The following C6 variants were observed in gnomAD, a reference collection of about 807,000 sequenced individuals.
The protein encoded by C6 is complement C6.
Under a neutral mutation model 112.9 loss-of-function variants are expected in C6, and 101 were observed. The ratio of observed to expected loss-of-function variants is 0.89; its 90% CI spans 0.76 to 1.06. The LOEUF (loss-of-function observed/expected upper bound fraction) is 1.06. Ranked by LOEUF, C6 falls within the 50% of genes least tolerant of loss-of-function variation. The pLI is 0.00. For missense variants in C6, 1,202 were observed against 1,104.6 expected, an observed-to-expected ratio of 1.09 and a Z score of -1.25; for synonymous variants, 431 against 384.1, an observed-to-expected ratio of 1.12 and a Z score of -1.43.
rs371365380 is a variant in C6, at chr5:41,240,770, G to A, written c.-21+20424C>T. 2.6e-5 allele frequency among the ~76,000 whole-genome samples: 4 copies of A among 152,258 alleles called. No homozygotes were observed. The South Asian group carries it at 8.3e-4, about 32-fold the overall frequency. ...GTGCACACATGTGCCCAGAGTGACC[G>A]ATGGGGTGGGGTGATACCCCAGGTC... On this transcript the variant is annotated intron_variant, in intron 1 of 17. Transcript: ENST00000263413.
intron 1 of C6, among the ~76,000 whole-genome samples, chr5:41,219,556 C>G (rs1296459494): frequency 6.6e-6 from 1 of 152,098 alleles, no homozygotes; most frequent in Non-Finnish European, 1.5e-5. Context: ...TTGTGGGAAA[C>G]TACTGAAAAA....
intron 1 of C6, among the ~76,000 whole-genome samples, chr5:41,251,289 A>G (rs1327165762): frequency 6.6e-6 from 1 of 152,216 alleles, no homozygotes; most frequent in African/African-American, 2.4e-5. Flanking sequence ...AACAACAAGC[A>G]GGCTGAAAAA....
chr5:41,209,398 G>T (rs577636621), intron 1 of C6, among the ~76,000 whole-genome samples: 1 of 152,234 alleles, frequency 6.6e-6, no homozygotes, highest in East Asian at 1.9e-4. Context: ...AAGAAATAAA[G>T]GGTATTCAAT....
chr5:41,220,693 C>A, intron 1 of C6, among the ~76,000 whole-genome samples: 1 of 152,090 alleles, frequency 6.6e-6, no homozygotes, highest in Admixed American at 6.6e-5. Context: ...TATATACATT[C>A]TTTGGATCGC....
intron 1 of C6, among the ~76,000 whole-genome samples, chr5:41,244,886 C>T (rs1037009520): frequency 1.3e-5 from 2 of 152,092 alleles, no homozygotes; most frequent in Non-Finnish European, 2.9e-5. Flanking sequence ...TTTCTGCATG[C>T]TTTCTCTGCA....
chr5:41,215,276 C>T (rs1332569877), upstream of C6, among the ~76,000 whole-genome samples: 1 of 152,092 alleles, frequency 6.6e-6, no homozygotes, highest in Non-Finnish European at 1.5e-5. Context: ...ACCGTCTGGC[C>T]CTTATAGGAA....
intron 4 of C6, 150 bp from the exon 5 acceptor site, chr5:41,196,083 T>G: frequency 1.1e-6 from 1 of 878,320 alleles, no homozygotes; most frequent in Non-Finnish European, 1.8e-6. Context: ...CACATAAAAA[T>G]GGAGCGATAA....
At chr5:41,243,238 T>C (rs1740836143) in intron 1 of C6, among the ~76,000 whole-genome samples, 1 of 152,232 alleles carries the variant, frequency 6.6e-6, no homozygotes, top group Non-Finnish European at 1.5e-5. Flanking sequence ...TTCCACATTG[T>C]ATTCATAAAT....
intron 9 of C6, among the ~76,000 whole-genome samples, chr5:41,165,630 T>C (rs547379883): frequency 6.6e-6 from 1 of 152,280 alleles, no homozygotes; most frequent in South Asian, 2.1e-4. Context: ...ATTATATGTC[T>C]TTACTACATG....
intron 5 of C6, among the ~76,000 whole-genome samples, chr5:41,186,819 A>G (rs1749807856): frequency 6.6e-6 from 1 of 152,136 alleles, no homozygotes; most frequent in Non-Finnish European, 1.5e-5. Context: ...TGATGTAGAT[A>G]TAATTATTAT....
chr5:41,241,345 G>C (rs1740700204), intron 1 of C6, among the ~76,000 whole-genome samples: 1 of 152,170 alleles, frequency 6.6e-6, no homozygotes, highest in Non-Finnish European at 1.5e-5. Context: ...AATTTTATGA[G>C]CTTATATAAG....
chr5:41,149,342 C>T lies in C6; in HGVS notation c.2522G>A (p.Arg841His), dbSNP rs763860114. The T allele has an allele frequency of 1.4e-5, 22 of 1,613,898 alleles. No individual in the cohort carries two copies. Among genetic ancestry groups the T allele is most frequent in the African/African-American group, 2.7e-5 (2 of 74,890 alleles). ...FLHIGSCQDG[R>H]QLEWGLERTR... ...CCTTTCAAGACCCCATTCTAACTGG[C>T]GGCCGTCTTGGCAGGAACCAATATG... Residue 841 changes from arginine to histidine, a missense_variant, in exon 17 of 18, where the codon CGC becomes CAC. Transcript: ENST00000337836.
chr5:41,152,084 A>G (rs576575527), intron 15 of C6, among the ~76,000 whole-genome samples: 3 of 152,234 alleles, frequency 2.0e-5, no homozygotes, highest in East Asian at 3.9e-4. Context: ...AAAGAAAGAG[A>G]AAACAGATGT....
At chr5:41,160,120 AC>A in intron 11 of C6, 21 bp downstream of exon 11, 2 of 1,577,334 alleles carry the variant, frequency 1.3e-6, no homozygotes, top group Non-Finnish European at 1.7e-6. Flanking sequence ...TATCTACCTC[AC>A]AATAGATTCC....
At chr5:41,161,559 T>C in intron 10 of C6, 134 bp downstream of exon 10, 1 of 769,914 alleles carries the variant, frequency 1.3e-6, no homozygotes, top group Non-Finnish European at 2.3e-6. Context: ...AAAAGGTACA[T>C]TGTGCATGAA....
At chr5:41,218,696 C>G (rs770318151) in intron 1 of C6, among the ~76,000 whole-genome samples, 2 of 152,062 alleles carry the variant, frequency 1.3e-5, no homozygotes, top group Non-Finnish European at 2.9e-5. Context: ...GGGTATGGGT[C>G]ATTCGGATTT....
chr5:41,207,897 C>G (rs1451380728), intron 1 of C6, among the ~76,000 whole-genome samples: 1 of 152,154 alleles, frequency 6.6e-6, no homozygotes, highest in African/African-American at 2.4e-5. Flanking sequence ...ATCTCCAGAA[C>G]TCTCCACCCC....
At chr5:41,152,326 G>A (rs1293149925) in intron 15 of C6, among the ~76,000 whole-genome samples, 1 of 152,024 alleles carries the variant, frequency 6.6e-6, no homozygotes, top group Non-Finnish European at 1.5e-5. Context: ...TATGAAAGAG[G>A]GAACCTTGGT....
intron 1 of C6, among the ~76,000 whole-genome samples, chr5:41,208,730 T>C (rs1319747769): frequency 1.3e-5 from 2 of 152,068 alleles, no homozygotes; most frequent in Non-Finnish European, 1.5e-5. Context: ...CAATAATTAA[T>C]AGCTTACCAA....
Sources: gnomAD v4.1 joint callset for allele counts (sites outside exome capture counted in the v4.1 genomes callset) on GRCh38, gnomAD v4.1.1 for gene constraint, MANE v1.5 for transcripts, NCBI Gene and HGNC (gene_info 2026-07-23, HGNC 2026-07-21) for gene names.